The following FBXL17 variants were observed in gnomAD, a reference collection of about 807,000 sequenced individuals.
FBXL17 encodes F-box/LRR-repeat protein 17.
Under a neutral mutation model 66.2 loss-of-function variants are expected in FBXL17, and 22 were observed. That is an observed-to-expected ratio of 0.33 (90% CI 0.24 to 0.47). FBXL17 has a LOEUF of 0.47. Ranked by LOEUF, FBXL17 falls within the 20% of genes least tolerant of loss-of-function variation. FBXL17 has a pLI of 1.00. For missense variants in FBXL17, 878 were observed against 948.2 expected (o/e 0.93, Z 0.97); for synonymous variants, 474 against 400.5 (o/e 1.18, Z -2.19).
At chr5:108,327,243 A>G (rs73216307) in intron 4 of FBXL17, among the ~76,000 whole-genome samples, 1 of 152,226 alleles carries the variant, frequency 6.6e-6, no homozygotes, top group African/African-American at 2.4e-5. Flanking sequence ...TAAGGTTGAC[A>G]TAAGAGAAAG....
chr5:108,190,479 T>A (rs1370187819), intron 5 of FBXL17, among the ~76,000 whole-genome samples: 1 of 152,238 alleles, frequency 6.6e-6, no homozygotes, highest in Non-Finnish European at 1.5e-5. Context: ...AAGATGGGTT[T>A]AATGGAAACA....
intron 8 of FBXL17, among the ~76,000 whole-genome samples, chr5:107,863,465 T>G (rs1416260584): frequency 6.6e-6 from 1 of 151,302 alleles, no homozygotes; most frequent in Non-Finnish European, 1.5e-5. Flanking sequence ...GTTCTTAGCT[T>G]CAATGTCATT....
At chr5:107,880,577 G>C in intron 8 of FBXL17, 10 of 1,026,222 alleles carry the variant, frequency 9.7e-6, no homozygotes, top group Non-Finnish European at 1.2e-5. Flanking sequence ...TGTTGGTCCC[G>C]AATGGCCAGA....
intron 5 of FBXL17, among the ~76,000 whole-genome samples, chr5:108,197,714 A>T (rs950873195): frequency 1.3e-5 from 2 of 152,176 alleles, no homozygotes; most frequent in African/African-American, 4.8e-5. Context: ...GAATGATAGT[A>T]ATGATTTTTA....
chr5:108,202,032 A>G (rs1753919472), intron 5 of FBXL17, among the ~76,000 whole-genome samples: 6 of 152,120 alleles, frequency 3.9e-5, no homozygotes, highest in African/African-American at 1.4e-4. Flanking sequence ...GACTGAGGAT[A>G]ATATAAGCAA....
In FBXL17 at chr5:107,964,288, AAAC is replaced by A. The variant is rs368947775; in HGVS notation, c.1822+56634_1822+56636del. ...AGAATTGCTGCTGCCTTATATGATC[AAAC>A]AACAACAATAAAAATCACAGGGGAT... On this transcript the variant is annotated intron_variant, in intron 7 of 8. Transcript: ENST00000542267. Among the ~76,000 whole-genome samples, 98 of 152,268 alleles carry A rather than the reference AAAC, an allele frequency of 6.4e-4. No homozygotes were observed. The East Asian group carries it at 0.018, about 27-fold the overall frequency.
intron 1 of FBXL17, among the ~76,000 whole-genome samples, chr5:108,375,660 A>C (rs1561564752): frequency 3.3e-5 from 5 of 152,192 alleles, no homozygotes; most frequent in Admixed American, 2.6e-4. Flanking sequence ...ACAACAAAGA[A>C]AAGACAAGGA....
intron 6 of FBXL17, among the ~76,000 whole-genome samples, chr5:108,073,969 G>A (rs1373756153): frequency 3.3e-5 from 5 of 152,108 alleles, no homozygotes; most frequent in African/African-American, 1.2e-4. Context: ...TTCCTATATA[G>A]CAATGCAAAC....
intron 6 of FBXL17, among the ~76,000 whole-genome samples, chr5:108,108,482 G>A (rs1020965744): frequency 1.3e-5 from 2 of 152,140 alleles, no homozygotes; most frequent in African/African-American, 4.8e-5. Flanking sequence ...TGCATATCTA[G>A]CACGTTTAAA....
At chr5:108,027,849 G>C (rs1754888830) in intron 6 of FBXL17, among the ~76,000 whole-genome samples, 1 of 152,096 alleles carries the variant, frequency 6.6e-6, no homozygotes, top group Non-Finnish European at 1.5e-5. Context: ...TTCTTCGGTA[G>C]AAACACATGT....
At chr5:108,085,832 G>A (rs1748949023) in intron 6 of FBXL17, among the ~76,000 whole-genome samples, 1 of 152,166 alleles carries the variant, frequency 6.6e-6, no homozygotes, top group South Asian at 2.1e-4. Context: ...AGCTACTTGG[G>A]AGGATCACTT....
intron 6 of FBXL17, among the ~76,000 whole-genome samples, chr5:108,027,506 TATTAATTA>T (rs34901511): frequency 1.3e-5 from 2 of 152,048 alleles, no homozygotes; most frequent in African/African-American, 4.8e-5. Flanking sequence ...AAGCTTTATT[TATTAATTA>T]ATTCACTTAA....
At chr5:108,185,128 C>T (rs1753175379) in intron 6 of FBXL17, among the ~76,000 whole-genome samples, 2 of 152,072 alleles carry the variant, frequency 1.3e-5, no homozygotes, top group Admixed American at 1.3e-4. Context: ...TGATTCTATA[C>T]TGTATATTAA....
chr5:108,114,706 T>C (rs1031687822), intron 6 of FBXL17, among the ~76,000 whole-genome samples: 2 of 152,202 alleles, frequency 1.3e-5, no homozygotes, highest in Non-Finnish European at 2.9e-5. Flanking sequence ...GGTTGGCTTT[T>C]CAATGCCTGT....
intron 7 of FBXL17, among the ~76,000 whole-genome samples, chr5:107,959,432 T>C (rs1323919031): frequency 1.4e-5 from 2 of 142,986 alleles, no homozygotes; most frequent in Non-Finnish European, 3.0e-5. Flanking sequence ...AACACTTTAT[T>C]ATTGAAACAT....
intron 6 of FBXL17, among the ~76,000 whole-genome samples, chr5:108,121,524 A>G (rs1262156394): frequency 6.6e-6 from 1 of 152,142 alleles, no homozygotes; most frequent in African/African-American, 2.4e-5. Flanking sequence ...TGGAAGGAAA[A>G]TGCTACATAA....
intron 7 of FBXL17, among the ~76,000 whole-genome samples, chr5:107,948,901 C>T (rs1751402414): frequency 6.6e-6 from 1 of 152,164 alleles, no homozygotes; most frequent in Non-Finnish European, 1.5e-5. Context: ...TCAATACAGA[C>T]AGAGCATTCG....
chr5:108,145,081 A>T (rs57518790), intron 6 of FBXL17, among the ~76,000 whole-genome samples: 6,358 of 152,222 alleles, frequency 0.042, 431 homozygotes, highest in African/African-American at 0.14. Context: ...TCAGTTTCAC[A>T]AAAATTTTTA....
intron 7 of FBXL17, among the ~76,000 whole-genome samples, chr5:108,001,651 C>T (rs1388688776): frequency 1.3e-5 from 2 of 152,118 alleles, no homozygotes; most frequent in Non-Finnish European, 2.9e-5. Flanking sequence ...CAGGCGCCTG[C>T]CAGCACACCC....
Sources: gnomAD v4.1 joint callset for allele counts (sites outside exome capture counted in the v4.1 genomes callset) on GRCh38, gnomAD v4.1.1 for gene constraint, MANE v1.5 for transcripts, NCBI Gene and HGNC (gene_info 2026-07-23, HGNC 2026-07-21) for gene names.